SUPT3H: variants seen among roughly 807,000 people sequenced by gnomAD.
The protein encoded by SUPT3H is transcription initiation protein SPT3 homolog.
In SUPT3H, 44 loss-of-function variants were observed where a neutral mutation model predicts 44.3. The ratio of observed to expected loss-of-function variants is 0.99; its 90% confidence interval spans 0.78 to 1.28. SUPT3H has a LOEUF of 1.28. Among genes scored for constraint, SUPT3H ranks in the 50% most tolerant of loss-of-function variants. SUPT3H has a pLI of 0.00. For missense variants in SUPT3H, 380 were observed against 387.1 expected (o/e 0.98, Z 0.15); for synonymous variants, 124 against 125.6 (o/e 0.99, Z 0.09).
intron 2 of SUPT3H, among the ~76,000 whole-genome samples, chr6:45,111,794 C>G (rs542587600): frequency 7.2e-5 from 11 of 151,954 alleles, no homozygotes; most frequent in Admixed American, 5.2e-4. Flanking sequence ...TAGTCACGGC[C>G]CCCCCACCCC....
At chr6:45,186,130 G>C (rs1260867548) in intron 2 of SUPT3H, among the ~76,000 whole-genome samples, 2 of 152,154 alleles carry the variant, frequency 1.3e-5, no homozygotes, top group Non-Finnish European at 2.9e-5. Context: ...ATGTAAGTCA[G>C]TGTCCCACTT....
chr6:44,913,409 C>CT (rs1767351584), intron 10 of SUPT3H, among the ~76,000 whole-genome samples: 1 of 152,010 alleles, frequency 6.6e-6, no homozygotes, highest in African/African-American at 2.4e-5. Flanking sequence ...AGCTGTCTAG[C>CT]TTTTTTATTT....
chr6:45,214,589 G>A (rs895663120), intron 2 of SUPT3H, among the ~76,000 whole-genome samples: 15 of 152,214 alleles, frequency 9.9e-5, no homozygotes, highest in African/African-American at 3.1e-4. Context: ...GCACACATCT[G>A]TAATCCCAGC....
At chr6:45,255,624 T>C (rs78373416) in intron 2 of SUPT3H, among the ~76,000 whole-genome samples, 2 of 152,034 alleles carry the variant, frequency 1.3e-5, no homozygotes, top group African/African-American at 4.8e-5. Flanking sequence ...GGTCTCACTA[T>C]GTTGCCCCAG....
chr6:44,813,702 A>G (rs1183616785), intron 11 of SUPT3H, among the ~76,000 whole-genome samples: 1 of 151,964 alleles, frequency 6.6e-6, no homozygotes, highest in Non-Finnish European at 1.5e-5. Flanking sequence ...TATAATTAAA[A>G]AAATAAAAAA....
chr6:45,342,501 C>T (rs1378574388), intron 2 of SUPT3H, among the ~76,000 whole-genome samples: 3 of 152,040 alleles, frequency 2.0e-5, no homozygotes, highest in Non-Finnish European at 2.9e-5. Flanking sequence ...CCTCGTAATC[C>T]ACCCGCCTTG....
chr6:45,285,700 A>C (rs1779111429), intron 2 of SUPT3H, among the ~76,000 whole-genome samples: 1 of 152,180 alleles, frequency 6.6e-6, no homozygotes, highest in Non-Finnish European at 1.5e-5. Context: ...TGCCATCCCC[A>C]TCAAGCTACC....
intron 10 of SUPT3H, among the ~76,000 whole-genome samples, chr6:44,925,251 G>C (rs1562057802): frequency 6.6e-6 from 1 of 152,156 alleles, no homozygotes. Flanking sequence ...CACTTGCAAA[G>C]TGTCTTTGGG....
At chr6:45,099,636 G>A (rs1461599392) in intron 3 of SUPT3H, among the ~76,000 whole-genome samples, 1 of 152,052 alleles carries the variant, frequency 6.6e-6, no homozygotes, top group Non-Finnish European at 1.5e-5. Flanking sequence ...ATGTGTTAAT[G>A]TACCTGACAA....
chr6:45,109,449 G>C (rs1185193159), intron 2 of SUPT3H, among the ~76,000 whole-genome samples: 2 of 152,026 alleles, frequency 1.3e-5, no homozygotes, highest in African/African-American at 4.8e-5. Context: ...AATACTTCTT[G>C]TATCAATAAA....
chr6:45,020,714 A>T, intron 3 of SUPT3H, 82 bp from the exon 4 acceptor site: 1 of 928,704 alleles, frequency 1.1e-6, no homozygotes, highest in East Asian at 2.6e-5. Context: ...AAAGAGATAA[A>T]TATACTAAGA....
intron 6 of SUPT3H, among the ~76,000 whole-genome samples, chr6:45,002,766 G>A (rs1179201882): frequency 6.6e-6 from 1 of 152,008 alleles, no homozygotes; most frequent in African/African-American, 2.4e-5. Flanking sequence ...ATTCTTTAAA[G>A]GTTGTTGAAG....
intron 11 of SUPT3H, among the ~76,000 whole-genome samples, chr6:44,820,201 AGAGT>A: frequency 6.6e-6 from 1 of 152,206 alleles, no homozygotes; most frequent in Non-Finnish European, 1.5e-5. Context: ...CCTAGGTAAC[AGAGT>A]GAGACCCCAT....
intron 3 of SUPT3H, among the ~76,000 whole-genome samples, chr6:45,058,016 T>C (rs950771460): frequency 6.6e-6 from 1 of 152,170 alleles, no homozygotes; most frequent in Admixed American, 6.5e-5. Flanking sequence ...GAGAGTGATA[T>C]AAGTTAGTTA....
At chr6:45,034,091 T>C (rs908739458) in intron 3 of SUPT3H, among the ~76,000 whole-genome samples, 3 of 152,070 alleles carry the variant, frequency 2.0e-5, no homozygotes, top group Non-Finnish European at 2.9e-5. Context: ...TTTATAAAAA[T>C]GTGGGGAAGG....
chr6:45,084,323 T>TG (rs1214283236), intron 3 of SUPT3H, among the ~76,000 whole-genome samples: 1 of 152,066 alleles, frequency 6.6e-6, no homozygotes, highest in Non-Finnish European at 1.5e-5. Flanking sequence ...CATTAAAAAG[T>TG]GGGCAAAGGA....
At chr6:45,077,635 A>AAAAAAAAAAC (rs1266809073) in intron 3 of SUPT3H, among the ~76,000 whole-genome samples, 1 of 85,794 alleles carries the variant, frequency 1.2e-5, no homozygotes, top group Non-Finnish European at 2.1e-5. Context: ...TCAAAAAAAA[A>AAAAAAAAAAC]AAAAAAAGAA....
chr6:44,838,589 A>T (rs1041836995), intron 10 of SUPT3H, among the ~76,000 whole-genome samples: 5 of 152,150 alleles, frequency 3.3e-5, no homozygotes, highest in Admixed American at 3.3e-4. Flanking sequence ...CCAAATGCCA[A>T]TCTATAGGCT....
chr6:45,133,402 A>G (rs1410718329), intron 2 of SUPT3H, among the ~76,000 whole-genome samples: 3 of 152,202 alleles, frequency 2.0e-5, no homozygotes, highest in African/African-American at 7.2e-5. Context: ...GCAAAACTGA[A>G]CTTCTGATTA....
Sources: allele counts gnomAD v4.1 joint callset (sites outside exome capture counted in the v4.1 genomes callset), GRCh38; gene constraint gnomAD v4.1.1; transcripts MANE v1.5; gene names NCBI Gene and HGNC (gene_info 2026-07-23, HGNC 2026-07-21).